Variants in LRRTM4 observed in about 807,000 individuals in gnomAD.
The protein encoded by LRRTM4 is leucine-rich repeat transmembrane neuronal protein 4.
Under a neutral mutation model 47.6 loss-of-function variants are expected in LRRTM4, and 25 were observed. That is an observed-to-expected ratio of 0.53 (90% confidence interval 0.38 to 0.73). The LOEUF (loss-of-function observed/expected upper bound fraction) is 0.73, where lower values mean the gene tolerates loss of function less well. Among genes scored for constraint, LRRTM4 ranks in the 30% least tolerant of loss-of-function variants. The probability of loss-of-function intolerance (pLI) is 0.00; values close to 1 mark genes in which losing one functional copy is unlikely to be tolerated. For synonymous variants in LRRTM4, 311 were observed against 269.5 expected (o/e 1.15, Z -1.51); for missense variants, 638 against 713.4 (o/e 0.89, Z 1.20).
chr2:77,231,239 GCA>G (rs145635473), intron 3 of LRRTM4, among the ~76,000 whole-genome samples: 1 of 150,828 alleles, frequency 6.6e-6, no homozygotes, highest in Non-Finnish European at 1.5e-5. Context: ...ACACACAGAT[GCA>G]CACACACACA....
At chr2:77,460,020 C>T (rs979148390) in intron 3 of LRRTM4, among the ~76,000 whole-genome samples, 1 of 151,830 alleles carries the variant, frequency 6.6e-6, no homozygotes, top group South Asian at 2.1e-4. Context: ...CAAATTACTA[C>T]GTTTCTCTTT....
At chr2:76,942,486 C>T (rs1251671392) in intron 3 of LRRTM4, among the ~76,000 whole-genome samples, 1 of 126,644 alleles carries the variant, frequency 7.9e-6, no homozygotes. Context: ...AACTTCTGTG[C>T]TAACATTTTT....
At chr2:76,879,744 T>C (rs551518917) in intron 3 of LRRTM4, among the ~76,000 whole-genome samples, 10 of 152,320 alleles carry the variant, frequency 6.6e-5, no homozygotes, top group East Asian at 1.9e-4. Flanking sequence ...GCAAAGTAAA[T>C]TGAAAACCTT....
chr2:76,963,709 T>C (rs1418306192), intron 3 of LRRTM4, among the ~76,000 whole-genome samples: 1 of 150,846 alleles, frequency 6.6e-6, no homozygotes, highest in Non-Finnish European at 1.5e-5. Context: ...TTCAGACATA[T>C]TACAGGGACA....
In LRRTM4 at chr2:77,410,215, T is replaced by C. The variant is rs911695659; in HGVS notation, c.1551+108103A>G. ...TAAATATTTTCTAACATCAGGGCTT[T>C]ATAATTCAGTAGAAAGAGAACCACC... On this transcript the variant is annotated intron_variant, in intron 3 of 3. Coordinates refer to ENST00000409884, the MANE Select transcript of LRRTM4 (RefSeq NM_001134745.3). Among the ~76,000 whole-genome samples, 5 of 152,180 alleles carry C rather than the reference T, an allele frequency of 3.3e-5. No homozygotes were observed. The South Asian group carries it at 8.3e-4, about 25-fold the overall frequency.
At chr2:77,291,069 A>G (rs1450594738) in intron 3 of LRRTM4, among the ~76,000 whole-genome samples, 1 of 152,070 alleles carries the variant, frequency 6.6e-6, no homozygotes, top group Non-Finnish European at 1.5e-5. Flanking sequence ...GCTTTATTCA[A>G]TATTATGTTC....
intron 3 of LRRTM4, among the ~76,000 whole-genome samples, chr2:76,848,194 A>T (rs1028836456): frequency 6.6e-6 from 1 of 152,136 alleles, no homozygotes; most frequent in Admixed American, 6.6e-5. Context: ...CTGTGTATTG[A>T]TGTTTTATGT....
At chr2:76,754,459 G>GTATT (rs532141658) in intron 3 of LRRTM4, among the ~76,000 whole-genome samples, 108 of 152,196 alleles carry the variant, frequency 7.1e-4, no homozygotes, top group Non-Finnish European at 1.4e-3. Context: ...ATAGCACTGA[G>GTATT]TATTAGGAAC....
intron 3 of LRRTM4, among the ~76,000 whole-genome samples, chr2:76,881,619 GAA>G (rs945656729): frequency 6.7e-6 from 1 of 150,018 alleles, no homozygotes; most frequent in African/African-American, 2.4e-5. Context: ...TACTTTTTAG[GAA>G]AAAAAACTGA....
chr2:77,296,769 T>C (rs1448230624), intron 3 of LRRTM4, among the ~76,000 whole-genome samples: 1 of 152,200 alleles, frequency 6.6e-6, no homozygotes, highest in Non-Finnish European at 1.5e-5. Context: ...CACACCTCCT[T>C]CTTACCTGTG....
At chr2:77,030,545 T>G (rs1321341819) in intron 3 of LRRTM4, among the ~76,000 whole-genome samples, 1 of 152,138 alleles carries the variant, frequency 6.6e-6, no homozygotes, top group African/African-American at 2.4e-5. Context: ...TATAAATACT[T>G]CCAACAGGAT....
chr2:77,164,997 A>T (rs528679877), intron 3 of LRRTM4, among the ~76,000 whole-genome samples: 1 of 152,102 alleles, frequency 6.6e-6, no homozygotes, highest in Non-Finnish European at 1.5e-5. Flanking sequence ...GACACAAAAA[A>T]CCCTTCAAAA....
chr2:77,063,173 T>A (rs1679846861), intron 3 of LRRTM4, among the ~76,000 whole-genome samples: 1 of 152,056 alleles, frequency 6.6e-6, no homozygotes. Flanking sequence ...TTGGCCAGGC[T>A]GGTCTCGAAC....
intron 3 of LRRTM4, among the ~76,000 whole-genome samples, chr2:77,160,711 A>G (rs1672702903): frequency 6.6e-6 from 1 of 152,096 alleles, no homozygotes; most frequent in South Asian, 2.1e-4. Flanking sequence ...CTACACTTGC[A>G]AAAAAACAGT....
At chr2:76,998,917 A>T (rs1417659559) in intron 3 of LRRTM4, among the ~76,000 whole-genome samples, 1 of 152,072 alleles carries the variant, frequency 6.6e-6, no homozygotes, top group African/African-American at 2.4e-5. Flanking sequence ...TTAAACCACT[A>T]TCATAAAGAA....
chr2:77,191,242 T>G (rs151195642), intron 3 of LRRTM4, among the ~76,000 whole-genome samples: 2 of 151,768 alleles, frequency 1.3e-5, no homozygotes, highest in Admixed American at 1.3e-4. Flanking sequence ...ACACCCGAAG[T>G]GTTTCTTTCA....
intron 3 of LRRTM4, among the ~76,000 whole-genome samples, chr2:77,269,855 T>G (rs956184091): frequency 2.0e-5 from 3 of 152,166 alleles, no homozygotes; most frequent in Non-Finnish European, 1.5e-5. Flanking sequence ...TAACAGTGAT[T>G]TATTGGAAAG....
At chr2:76,855,115 G>A (rs1672109664) in intron 3 of LRRTM4, among the ~76,000 whole-genome samples, 1 of 152,182 alleles carries the variant, frequency 6.6e-6, no homozygotes, top group African/African-American at 2.4e-5. Flanking sequence ...CAGGCAGAGG[G>A]GACTGCAAGA....
chr2:77,090,478 A>G (rs767562471), intron 3 of LRRTM4, among the ~76,000 whole-genome samples: 75 of 152,282 alleles, frequency 4.9e-4, no homozygotes, highest in Non-Finnish European at 8.7e-4. Context: ...AAACCCCACA[A>G]CAGGATTTAA....
Sources: gnomAD v4.1 joint callset for allele counts (sites outside exome capture counted in the v4.1 genomes callset) on GRCh38, gnomAD v4.1.1 for gene constraint, MANE v1.5 for transcripts, NCBI Gene and HGNC (gene_info 2026-07-23, HGNC 2026-07-21) for gene names.